Variants in SORBS2 observed in about 807,000 individuals in gnomAD.
SORBS2 encodes the protein sorbin and SH3 domain containing 2, also known as sorbin and SH3 domain-containing protein 2.
In SORBS2, 46 loss-of-function variants were observed where a neutral mutation model predicts 97.7. That is an observed-to-expected ratio of 0.47 (90% CI 0.37 to 0.60). SORBS2 has a LOEUF of 0.60. Ranked by LOEUF, SORBS2 falls within the 20% of genes least tolerant of loss-of-function variation. The pLI, the probability that SORBS2 is intolerant of heterozygous loss-of-function variation, is 0.00. For missense variants in SORBS2, 1,316 were observed against 1,282.3 expected (o/e 1.03, Z -0.40); for synonymous variants, 476 against 473.4 (o/e 1.01, Z -0.07).
At chr4:185,663,415 C>T (rs1347806368) in intron 4 of SORBS2, among the ~76,000 whole-genome samples, 3 of 152,114 alleles carry the variant, frequency 2.0e-5, no homozygotes, top group Admixed American at 6.5e-5. Flanking sequence ...CACTTATGTC[C>T]CCAAATCAAT....
At chr4:185,678,518 C>A (rs1225111452) in exon 4 of SORBS2, 36 of 1,548,166 alleles carry the variant, frequency 2.3e-5, no homozygotes, top group Non-Finnish European at 3.1e-5. Flanking sequence ...TTCAGTGTCT[C>A]CTGATTGCCA....
chr4:185,681,420 C>G (rs940050031), intron 2 of SORBS2, among the ~76,000 whole-genome samples: 1 of 151,534 alleles, frequency 6.6e-6, no homozygotes, highest in African/African-American at 2.4e-5. Context: ...AAAAAAGTCG[C>G]CCAGGTAAAT....
chr4:185,661,086 C>A (rs1444888117), upstream of SORBS2, among the ~76,000 whole-genome samples: 1 of 151,120 alleles, frequency 6.6e-6, no homozygotes, highest in Non-Finnish European at 1.5e-5. Flanking sequence ...ACCAACCTGG[C>A]CAACATGGTG....
intron 1 of SORBS2, among the ~76,000 whole-genome samples, chr4:185,868,147 C>CTTTTTTTTTTTT (rs372271322): frequency 3.3e-5 from 3 of 89,762 alleles, no homozygotes; most frequent in Admixed American, 2.3e-4. Context: ...CTTTTCTTTT[C>CTTTTTTTTTTTT]TTTTTTTCTT....
intron 2 of SORBS2, among the ~76,000 whole-genome samples, chr4:185,710,371 T>C (rs2098407821): frequency 6.6e-6 from 1 of 152,238 alleles, no homozygotes; most frequent in African/African-American, 2.4e-5. Context: ...CCAAAAGGCA[T>C]GAAGTGTTCA....
chr4:185,740,684 C>CTAACTCAGCCCAACAT (rs1352876288), intron 2 of SORBS2, among the ~76,000 whole-genome samples: 2 of 152,070 alleles, frequency 1.3e-5, no homozygotes, highest in South Asian at 2.1e-4. Context: ...CAGCCCAACA[C>CTAACTCAGCCCAACAT]TAACTCAGCC....
intron 2 of SORBS2, among the ~76,000 whole-genome samples, chr4:185,703,548 A>C (rs1343588112): frequency 5.9e-5 from 9 of 152,200 alleles, no homozygotes; most frequent in Admixed American, 5.9e-4. Context: ...CATTTTTCTT[A>C]CTGGCTGAAT....
chr4:185,863,262 G>T (rs377384376), intron 1 of SORBS2, among the ~76,000 whole-genome samples: 7 of 151,784 alleles, frequency 4.6e-5, no homozygotes, highest in African/African-American at 1.7e-4. Flanking sequence ...TTTATTGAGT[G>T]CCTGTGTGTG....
intron 1 of SORBS2, among the ~76,000 whole-genome samples, chr4:185,653,196 T>C (rs940358430): frequency 2.0e-5 from 3 of 152,230 alleles, no homozygotes; most frequent in Non-Finnish European, 2.9e-5. Context: ...AGTGTGGCTC[T>C]AGAGAAATAA....
At chr4:185,763,026 T>C (rs571119006) in intron 2 of SORBS2, among the ~76,000 whole-genome samples, 21 of 152,118 alleles carry the variant, frequency 1.4e-4, no homozygotes, top group African/African-American at 5.1e-4. Flanking sequence ...CCATCTCTAC[T>C]AAAAATACAA....
At position 185,715,920 on chromosome 4, in the gene SORBS2, C is replaced by T. The variant is rs77114307; in HGVS notation, c.-197-37098G>A. ...AGGAAGGCTATTCTTAACAGTCATGCCCACTGTGCCATGTCCTACAATGTG... is the reference window on the plus strand; with the variant it reads ...AGGAAGGCTATTCTTAACAGTCATGTCCACTGTGCCATGTCCTACAATGTG... On this transcript the variant is annotated intron_variant, in intron 2 of 20. Coordinates refer to the SORBS2 transcript ENST00000284776. 6.2e-3 allele frequency among the ~76,000 whole-genome samples: 949 copies of T among 152,282 alleles called. 8 individuals carry two copies. The highest frequency in any genetic ancestry group is 0.022 in the African/African-American group (902 of 41,552).
intron 1 of SORBS2, among the ~76,000 whole-genome samples, chr4:185,896,612 T>A (rs1445430115): frequency 2.6e-5 from 4 of 152,136 alleles, no homozygotes; most frequent in Non-Finnish European, 4.4e-5. Flanking sequence ...AAACAGCTAG[T>A]AACTGGGTTT....
intron 1 of SORBS2, among the ~76,000 whole-genome samples, chr4:185,935,183 C>G (rs1371949950): frequency 6.6e-6 from 1 of 152,188 alleles, no homozygotes; most frequent in African/African-American, 2.4e-5. Context: ...AAACCCGATC[C>G]AAATTCAATA....
chr4:185,674,445 G>C (rs935064643), intron 4 of SORBS2, among the ~76,000 whole-genome samples: 1 of 152,030 alleles, frequency 6.6e-6, no homozygotes, highest in Admixed American at 6.6e-5. Context: ...TTACCTAAAG[G>C]ACTGCAGTAG....
chr4:185,940,484 G>T (rs1053665682), intron 1 of SORBS2, among the ~76,000 whole-genome samples: 1 of 152,026 alleles, frequency 6.6e-6, no homozygotes, highest in Admixed American at 6.6e-5. Flanking sequence ...TCCTGTCCAA[G>T]CCCCCCTCAT....
intron 13 of SORBS2, among the ~76,000 whole-genome samples, chr4:185,591,717 AC>A (rs2095941766): frequency 6.6e-6 from 1 of 151,870 alleles, no homozygotes; most frequent in Non-Finnish European, 1.5e-5. Flanking sequence ...TCAGGCTTGA[AC>A]CCTGCCCAGG....
chr4:185,874,946 T>C (rs2099232637), intron 1 of SORBS2, among the ~76,000 whole-genome samples: 1 of 151,734 alleles, frequency 6.6e-6, no homozygotes, highest in Admixed American at 6.6e-5. Context: ...ATCCGGACTC[T>C]TTTTATTTTT....
At chr4:185,780,086 G>T (rs1025823687) in intron 1 of SORBS2, among the ~76,000 whole-genome samples, 3 of 144,546 alleles carry the variant, frequency 2.1e-5, no homozygotes, top group Non-Finnish European at 4.4e-5. Context: ...CACAATCTCG[G>T]CTCACCGCAA....
chr4:185,588,992 A>T (rs1233047840), intron 14 of SORBS2, among the ~76,000 whole-genome samples: 2 of 151,974 alleles, frequency 1.3e-5, no homozygotes, highest in African/African-American at 4.8e-5. Context: ...TGATTTTGCC[A>T]CCGATGGATG....
Sources: gnomAD v4.1 joint callset for allele counts (sites outside exome capture counted in the v4.1 genomes callset) on GRCh38, gnomAD v4.1.1 for gene constraint, MANE v1.5 for transcripts, NCBI Gene and HGNC (gene_info 2026-07-23, HGNC 2026-07-21) for gene names.